ADD1: variants seen among roughly 807,000 people sequenced by gnomAD.
ADD1 encodes alpha-adducin.
ADD1 carries 24 observed loss-of-function variants against 80.5 expected under a neutral mutation model. The ratio of observed to expected loss-of-function variants is 0.30; its 90% CI spans 0.22 to 0.42. The LOEUF (loss-of-function observed/expected upper bound fraction) is 0.42. Ranked by LOEUF, ADD1 falls within the 10% of genes least tolerant of loss-of-function variation. The pLI, the probability that ADD1 is intolerant of heterozygous loss-of-function variation, is 1.00. For synonymous variants in ADD1, 373 were observed against 393.8 expected (o/e 0.95, Z 0.63); for missense variants, 948 against 1,019.0 (o/e 0.93, Z 0.95).
intron 2 of ADD1, among the ~76,000 whole-genome samples, chr4:2,876,835 T>TC (rs1731393681): frequency 7.6e-6 from 1 of 131,402 alleles, no homozygotes; most frequent in South Asian, 2.4e-4. Context: ...AGAGACTCCG[T>TC]CCCAAAAAAA....
At chr4:2,881,692 C>G (rs1560182246) in intron 2 of ADD1, 15 of 426,722 alleles carry the variant, frequency 3.5e-5, no homozygotes, top group Non-Finnish European at 5.3e-5. Context: ...AATTCCTGTT[C>G]AGAGTTTTAA....
intron 12 of ADD1, chr4:2,908,995 A>C (rs558242176): frequency 4.5e-6 from 2 of 443,120 alleles, no homozygotes; most frequent in African/African-American, 4.0e-5. Flanking sequence ...TGGGTTGCAG[A>C]GGGGTGGGTG....
Position 2,881,072 on chromosome 4 carries a change from C to CTTTTTTT in ADD1, c.196-809_196-803dup, listed in dbSNP as rs752868581. ...TACAATGAACATTTTGATGTATTTA[C>CTTTTTTT]TTTTTTTTTTTTTTTTTTTTTTTGA... On this transcript the variant is annotated intron_variant, in intron 2 of 15. Transcript: ENST00000683351. Among the ~76,000 whole-genome samples the CTTTTTTT allele has an allele frequency of 4.4e-4, 39 of 89,358 alleles. 2 individuals carry two copies. The highest frequency in any genetic ancestry group is 1.7e-3 in the African/African-American group (37 of 21,922). The allele number at this position is 89,358 out of a possible 152,430, so 58.6% of individuals were successfully genotyped here.
intron 1 of ADD1, among the ~76,000 whole-genome samples, chr4:2,852,815 C>G (rs1003163654): frequency 1.3e-5 from 2 of 151,688 alleles, no homozygotes; most frequent in African/African-American, 2.4e-5. Flanking sequence ...GTCCTCCCAC[C>G]CAGCTTCCTG....
intron 2 of ADD1, chr4:2,881,660 T>C (rs1002764840): frequency 8.1e-6 from 3 of 372,250 alleles, no homozygotes; most frequent in African/African-American, 6.3e-5. Context: ...AATGTTTCCT[T>C]AAAATAGATT....
intron 1 of ADD1, among the ~76,000 whole-genome samples, chr4:2,846,110 A>G (rs1324789580): frequency 1.3e-5 from 2 of 152,242 alleles, no homozygotes; most frequent in East Asian, 3.8e-4. Flanking sequence ...ATTCCTTAAT[A>G]CTTTCAAATA....
Position 2,904,810 on chromosome 4 carries a change from A to C in ADD1, c.1208A>C (p.Lys403Thr). Reference sequence around the variant, plus strand: ...TATCGATACCCTGCTCTGAGAGAGAAGTCTAAAAAATACAGCGATGTGGAG... The same window carrying C: ...TATCGATACCCTGCTCTGAGAGAGACGTCTAAAAAATACAGCGATGTGGAG... ...YPYRYPALRE[K>T]SKKYSDVEVP... Residue 403 changes from lysine to threonine, a missense_variant, in exon 10 of 16, where the codon AAG becomes ACG. Coordinates refer to ENST00000683351, the MANE Select transcript of ADD1 (RefSeq NM_001354761.2). The C allele has an allele frequency of 6.2e-7, 1 of 1,614,194 alleles. No homozygotes were observed. The highest frequency in any genetic ancestry group is 1.1e-5 in the South Asian group (1 of 91,084).
intron 5 of ADD1, 146 bp from the exon 6 acceptor site, chr4:2,894,436 G>A: frequency 2.8e-6 from 2 of 706,976 alleles, no homozygotes; most frequent in Non-Finnish European, 4.5e-6. Context: ...TGGGAGGATT[G>A]TTTGAACCTG....
chr4:2,846,380 G>C (rs1726199786), intron 1 of ADD1, among the ~76,000 whole-genome samples: 2 of 152,190 alleles, frequency 1.3e-5, no homozygotes, highest in Admixed American at 6.5e-5. Flanking sequence ...ATCAGATTCA[G>C]CTTTACTTTT....
intron 4 of ADD1, among the ~76,000 whole-genome samples, chr4:2,888,400 AATTATTATTATT>A (rs34400467): frequency 1.4e-5 from 2 of 139,948 alleles, no homozygotes; most frequent in Admixed American, 7.3e-5. Context: ...GTAATAATGA[AATTATTATTATT>A]ATTATTATTA....
At chr4:2,851,420 A>C (rs754271060) in intron 1 of ADD1, among the ~76,000 whole-genome samples, 4 of 152,200 alleles carry the variant, frequency 2.6e-5, no homozygotes, top group Non-Finnish European at 5.9e-5. Context: ...TCTTTTCCAG[A>C]ACATAGAGGA....
In ADD1 at chr4:2,843,990, G is replaced by C. The variant is rs560160287; in HGVS notation, c.-55G>C. 6.5e-6 allele frequency: 1 copy of C among 152,830 alleles called. No homozygotes were observed. Among genetic ancestry groups the C allele is most frequent in the South Asian group, 1.8e-4 (1 of 5,612 alleles). 9.5% of individuals were successfully genotyped at this position (152,830 alleles called of 1,614,324 possible). Reference sequence around the variant, plus strand: ...CGGGCGGTGGCCGCACTGGGACCCCGGAATCCCGCGCGCTGCCCACGATTC... The same window carrying C: ...CGGGCGGTGGCCGCACTGGGACCCCCGAATCCCGCGCGCTGCCCACGATTC... On this transcript the variant is annotated 5_prime_UTR_variant, in exon 1 of 16. Transcript: ENST00000683351.
At chr4:2,888,799 A>T (rs1733824412) in intron 4 of ADD1, among the ~76,000 whole-genome samples, 1 of 152,300 alleles carries the variant, frequency 6.6e-6, no homozygotes, top group South Asian at 2.1e-4. Flanking sequence ...ATTTGAGCAA[A>T]TGTTGTATAC....
At chr4:2,878,703 T>A (rs1013292627) in intron 2 of ADD1, among the ~76,000 whole-genome samples, 1 of 151,994 alleles carries the variant, frequency 6.6e-6, no homozygotes, top group Non-Finnish European at 1.5e-5. Context: ...GATAGGAGGA[T>A]CACTTGAGTT....
At chr4:2,903,052 TAAAA>T (rs989604256) in intron 9 of ADD1, 8 of 150,560 alleles carry the variant, frequency 5.3e-5, no homozygotes, top group African/African-American at 2.0e-4. Flanking sequence ...ATTAAAAAAA[TAAAA>T]AAAATATTGA....
At chr4:2,900,244 CT>C (rs1735951955) in intron 9 of ADD1, 1 of 152,572 alleles carries the variant, frequency 6.6e-6, no homozygotes, top group Non-Finnish European at 1.5e-5. Flanking sequence ...TTCATCTTGA[CT>C]TTACCAGGAT....
In ADD1 at chr4:2,867,619, T is replaced by C. The variant is rs186060308; in HGVS notation, c.-20-8277T>C. 9.8e-4 allele frequency among the ~76,000 whole-genome samples: 150 copies of C among 152,334 alleles called. 1 individual carries two copies. Among genetic ancestry groups the C allele is most frequent in the Admixed American group, 3.5e-3 (54 of 15,300 alleles). Reference sequence around the variant, plus strand: ...AGAAAAACAACACCAGCTATGTAATTGTATAAAAGACTTAATAAAATGTGG... The same window carrying C: ...AGAAAAACAACACCAGCTATGTAATCGTATAAAAGACTTAATAAAATGTGG... On this transcript the variant is annotated intron_variant, in intron 1 of 15. Coordinates refer to ENST00000683351, the MANE Select transcript of ADD1 (RefSeq NM_001354761.2).
intron 1 of ADD1, among the ~76,000 whole-genome samples, chr4:2,851,377 A>G (rs986058461): frequency 6.6e-6 from 1 of 152,226 alleles, no homozygotes; most frequent in East Asian, 1.9e-4. Flanking sequence ...TGCTTACAGT[A>G]TGTGAGGATT....
intron 1 of ADD1, among the ~76,000 whole-genome samples, chr4:2,862,728 C>T (rs544146414): frequency 5.9e-5 from 9 of 152,192 alleles, no homozygotes; most frequent in Non-Finnish European, 8.8e-5. Context: ...TAGCACTTGT[C>T]GCCTTCTAAC....
Sources: allele counts gnomAD v4.1 joint callset (sites outside exome capture counted in the v4.1 genomes callset), GRCh38; gene constraint gnomAD v4.1.1; transcripts MANE v1.5; gene names NCBI Gene and HGNC (gene_info 2026-07-23, HGNC 2026-07-21).